The following NPTX1 variants were observed in gnomAD, a reference collection of about 807,000 sequenced individuals.
NPTX1 encodes neuronal pentraxin-1.
Under a neutral mutation model 38.7 loss-of-function variants are expected in NPTX1, and 12 were observed. The ratio of observed to expected loss-of-function variants is 0.31; its 90% CI spans 0.20 to 0.50. The LOEUF (loss-of-function observed/expected upper bound fraction) is 0.50. Among genes scored for constraint, NPTX1 ranks in the 20% least tolerant of loss-of-function variants. NPTX1 has a pLI of 0.98. For missense variants in NPTX1, 454 were observed against 592.2 expected, an observed-to-expected ratio of 0.77 and a Z score of 2.42; for synonymous variants, 272 against 264.9, an observed-to-expected ratio of 1.03 and a Z score of -0.26.
At position 80,468,554 on chromosome 17, in the gene NPTX1, A is replaced by G. The variant is rs1372843404; in HGVS notation, c.*2259T>C. Reference sequence around the variant, plus strand: ...AGATGGCTGGAGTGAGGGTGGGGCTAGATCTGGTCTAGAGAGGCGACTCCA... The same window carrying G: ...AGATGGCTGGAGTGAGGGTGGGGCTGGATCTGGTCTAGAGAGGCGACTCCA... On this transcript the variant is annotated 3_prime_UTR_variant, in exon 5 of 5. Coordinates refer to ENST00000306773, the MANE Select transcript of NPTX1 (RefSeq NM_002522.4). 6.6e-6 allele frequency: 1 copy of G among 152,274 alleles called. No homozygotes were observed. Among genetic ancestry groups the G allele is most frequent in the Admixed American group, 6.5e-5 (1 of 15,286 alleles). The allele number at this position is 152,274 out of a possible 1,614,324, so 9.4% of individuals were successfully genotyped here.
chr17:80,474,081 GAGGGC>G (rs1273075366), intron 2 of NPTX1: 1 of 153,748 alleles, frequency 6.5e-6, no homozygotes, highest in Non-Finnish European at 1.4e-5. Context: ...GCTCTGCTGA[GAGGGC>G]AGGGCAGCAA....
rs766191022 is a variant in NPTX1, at chr17:80,475,530, C to T, written c.633G>A (p.Arg211=). 5.6e-6 allele frequency: 9 copies of T among 1,612,202 alleles called. No homozygotes were observed. In the East Asian group the frequency reaches 1.8e-4, roughly 32 times the overall value. ...IETALTSLHQ[R]ISELEKGQKD... ...CAGTACCTTTCTCGAGCTCGCTGATCCGCTGGTGCAGGGAGGTCAGGGCGG... is the reference window on the plus strand; with the variant it reads ...CAGTACCTTTCTCGAGCTCGCTGATTCGCTGGTGCAGGGAGGTCAGGGCGG... Residue 211 remains arginine, a synonymous_variant, in exon 2 of 5, where the codon CGG becomes CGA. Coordinates refer to ENST00000306773, the MANE Select transcript of NPTX1 (RefSeq NM_002522.4). The surrounding 1 kb of genome is among the most constrained non-coding windows in gnomAD (Gnocchi z 6.5).
At position 80,475,359 on chromosome 17, in the gene NPTX1, G is replaced by T; in HGVS notation, c.652+152C>A. ...CTAGAAGCCCAGAACCTGGGAAGGGGTGCGGGGAATGAGAAAGCGGTGCAG... is the reference window on the plus strand; with the variant it reads ...CTAGAAGCCCAGAACCTGGGAAGGGTTGCGGGGAATGAGAAAGCGGTGCAG... On this transcript the variant is annotated intron_variant, in intron 2 of 4. Transcript: ENST00000306773. The surrounding 1 kb of genome is among the most constrained non-coding windows in gnomAD (Gnocchi z 6.5). 1.6e-6 allele frequency: 1 copy of T among 621,802 alleles called. No individual in the cohort carries two copies. The highest frequency in any genetic ancestry group is 2.1e-5 in the South Asian group (1 of 48,706). 38.5% of individuals were successfully genotyped at this position (621,802 alleles called of 1,614,324 possible).
chr17:80,473,389 G>T lies in NPTX1; in HGVS notation c.708C>A (p.Thr236=). The T allele has an allele frequency of 6.2e-7, 1 of 1,613,940 alleles. No homozygotes were observed. Among genetic ancestry groups the T allele is most frequent in the Non-Finnish European group, 8.5e-7 (1 of 1,179,866 alleles). ...DKFQLTFPLR[T]NYMYAKVKKS... The stretch of plus-strand genomic sequence containing the variant: ...TCTTCACCTTGGCATACATATAGTT[G>T]GTCCGCAGTGGGAATGTGAGCTGGA... The change falls in exon 3 of 5, where the codon ACC becomes ACA. Residue 236 remains threonine (T), a synonymous_variant. Transcript: ENST00000306773.
At chr17:80,472,370 G>A (rs2083847187) in intron 3 of NPTX1, among the ~76,000 whole-genome samples, 1 of 152,202 alleles carries the variant, frequency 6.6e-6, no homozygotes, top group Admixed American at 6.5e-5. Flanking sequence ...AACACGGCAA[G>A]CTTTTGCCGA....
Position 80,473,407 on chromosome 17 carries a change from G to A in NPTX1, c.690C>T (p.Leu230=). ...KDNRPGDKFQ[L]TFPLRTNYMY... ...TATAGTTGGTCCGCAGTGGGAATGT[G>A]AGCTGGAACTTGTCTCCAGGGCGGT... Residue 230 remains leucine, a synonymous_variant, in exon 3 of 5, where the codon CTC becomes CTT. Coordinates refer to ENST00000306773, the MANE Select transcript of NPTX1 (RefSeq NM_002522.4). 6.2e-7 allele frequency: 1 copy of A among 1,614,018 alleles called. No individual in the cohort carries two copies. Among genetic ancestry groups the A allele is most frequent in the Middle Eastern group, 1.7e-4 (1 of 6,042 alleles).
Position 80,468,166 on chromosome 17 carries a change from A to G in NPTX1, c.*2647T>C, listed in dbSNP as rs1471221259. On this transcript the variant is annotated 3_prime_UTR_variant, in exon 5 of 5. Transcript: ENST00000306773. Reference sequence around the variant, plus strand: ...GTCATCGACCTTTCTCGGGGCCAGCAAAGTGCCAAGTGTCAACACAGTGAG... The same window carrying G: ...GTCATCGACCTTTCTCGGGGCCAGCGAAGTGCCAAGTGTCAACACAGTGAG... 1 of 152,918 alleles carries G rather than the reference A, an allele frequency of 6.5e-6. No individual in the cohort carries two copies. The highest frequency in any genetic ancestry group is 1.9e-4 in the East Asian group (1 of 5,190). 9.5% of individuals were successfully genotyped at this position (152,918 alleles called of 1,614,324 possible).
intron 2 of NPTX1, chr17:80,474,159 C>T (rs1158095066): frequency 6.6e-6 from 1 of 152,410 alleles, no homozygotes; most frequent in African/African-American, 2.4e-5. Context: ...TGCCGCCACA[C>T]TCTCAGGTGA....
intron 3 of NPTX1, among the ~76,000 whole-genome samples, chr17:80,472,487 C>T (rs1179960068): frequency 2.0e-5 from 3 of 152,186 alleles, no homozygotes; most frequent in Non-Finnish European, 4.4e-5. Context: ...GATGACGGTC[C>T]AGCAGACAGT....
rs899589549 is a variant in NPTX1 at position 80,470,548 on chromosome 17, C to T, written c.*265G>A. 3.3e-5 allele frequency: 12 copies of T among 363,404 alleles called. No homozygotes were observed. The highest frequency in any genetic ancestry group is 5.1e-5 in the Non-Finnish European group (10 of 196,532). The allele number at this position is 363,404 out of a possible 1,614,324, so 22.5% of individuals were successfully genotyped here. On this transcript the variant is annotated 3_prime_UTR_variant, in exon 5 of 5. Transcript: ENST00000306773. ...TCACCAACTTCTGCCTTGTTCAAGA[C>T]GTTGCAGCACCCACTTCAGCTGTGA...
chr17:80,476,264 G>T lies in NPTX1; in HGVS notation c.183C>A (p.Leu61=). Residue 61 remains leucine (L), a synonymous_variant, in exon 1 of 5, where the codon CTC becomes CTA. Coordinates refer to ENST00000306773, the MANE Select transcript of NPTX1 (RefSeq NM_002522.4). The surrounding 1 kb of genome is among the most constrained non-coding windows in gnomAD (Gnocchi z 6.3). ...AEELRSSVLQ[L]RETVLQQKET... is the part of the protein sequence containing the mutation. Reference sequence around the variant, plus strand: ...CCTTCTGCTGCAGCACCGTCTCGCGGAGCTGCAGCACGCTGCTCCGGAGCT... The same window carrying T: ...CCTTCTGCTGCAGCACCGTCTCGCGTAGCTGCAGCACGCTGCTCCGGAGCT... 1 of 1,555,972 alleles carries T rather than the reference G, an allele frequency of 6.4e-7. No homozygotes were observed. The highest frequency in any genetic ancestry group is 8.6e-7 in the Non-Finnish European group (1 of 1,160,120).
At position 80,469,888 on chromosome 17, in the gene NPTX1, TC is replaced by T. The variant is rs766407615; in HGVS notation, c.*924del. 3.9e-5 allele frequency: 6 copies of T among 152,306 alleles called. No homozygotes were observed. Among genetic ancestry groups the T allele is most frequent in the Non-Finnish European group, 8.8e-5 (6 of 68,124 alleles). 9.4% of individuals were successfully genotyped at this position (152,306 alleles called of 1,614,324 possible). ...CCGGGCTGTGGGTGGCACGCTCCTC[TC>T]TCAGGGCCCTCTGGGCTGAAGCAGT... On this transcript the variant is annotated 3_prime_UTR_variant, in exon 5 of 5. Coordinates refer to ENST00000306773, the MANE Select transcript of NPTX1 (RefSeq NM_002522.4).
chr17:80,467,666 G>A lies in NPTX1; in HGVS notation c.*3147C>T, dbSNP rs1350511258. ...CTTTGCAGTCTTAGAAAATAAACTG[G>A]GAATCTACAAAAGGAAAAGAAAGCA... On this transcript the variant is annotated 3_prime_UTR_variant, in exon 5 of 5. Coordinates refer to ENST00000306773, the MANE Select transcript of NPTX1 (RefSeq NM_002522.4). The A allele has an allele frequency of 6.6e-6, 1 of 151,798 alleles. No individual in the cohort carries two copies. Among genetic ancestry groups the A allele is most frequent in the Non-Finnish European group, 1.5e-5 (1 of 68,018 alleles). 9.4% of individuals were successfully genotyped at this position (151,798 alleles called of 1,614,324 possible). A position where few individuals can be genotyped will look rare whatever the true frequency, so the allele number is the denominator to read the frequency against.
At position 80,476,022 on chromosome 17, in the gene NPTX1, G is replaced by T; in HGVS notation, c.425C>A (p.Thr142Asn). 1 of 1,608,964 alleles carries T rather than the reference G, an allele frequency of 6.2e-7. No individual in the cohort carries two copies. ...GCGGACCTCGAGGTTCTCCAGGCGG[G>T]TTTTGAGCGATTGCAAAGTTTGCCC... ...QLGQTLQSLK[T>N]RLENLEQYSR... Residue 142 changes from threonine to asparagine, a missense_variant, in exon 1 of 5, where the codon ACC becomes AAC. Coordinates refer to ENST00000306773, the MANE Select transcript of NPTX1 (RefSeq NM_002522.4). This position sits in a 1 kb window ranked among gnomAD's most constrained non-coding sequence, Gnocchi z 6.3.
chr17:80,473,591 G>A (rs957785603), intron 2 of NPTX1, 147 bp from the exon 3 acceptor site: 3 of 770,904 alleles, frequency 3.9e-6, no homozygotes, highest in Non-Finnish European at 6.4e-6. Flanking sequence ...TAGCTTCCCA[G>A]GTCAAGTACT....
At chr17:80,471,127 C>T in intron 4 of NPTX1, 93 bp from the exon 5 acceptor site, 1 of 981,674 alleles carries the variant, frequency 1.0e-6, no homozygotes, top group Non-Finnish European at 1.5e-6. Context: ...TCTGTGCCTG[C>T]CCGATCACGG....
chr17:80,473,147 C>T, intron 3 of NPTX1, 53 bp downstream of exon 3: 2 of 1,585,088 alleles, frequency 1.3e-6, no homozygotes, highest in East Asian at 4.5e-5. Flanking sequence ...GCAACATGAG[C>T]TGGGGCCCTG....
rs1316970562 is a variant in NPTX1 at position 80,475,968 on chromosome 17, C to T, written c.444+35G>A. On this transcript the variant is annotated intron_variant, in intron 1 of 4. Transcript: ENST00000306773. This position sits in a 1 kb window ranked among gnomAD's most constrained non-coding sequence, Gnocchi z 6.5. Reference sequence around the variant, plus strand: ...GGGGAGGGCAGAGGGGCGAGCGAGCCGGAGGGGGAACCGGAGCCGAGGGCG... The same window carrying T: ...GGGGAGGGCAGAGGGGCGAGCGAGCTGGAGGGGGAACCGGAGCCGAGGGCG... The T allele has an allele frequency of 6.5e-7, 1 of 1,539,732 alleles. No individual in the cohort carries two copies. Among genetic ancestry groups the T allele is most frequent in the Non-Finnish European group, 8.9e-7 (1 of 1,123,186 alleles).
chr17:80,475,932 G>GGAAC lies in NPTX1; in HGVS notation c.444+67_444+70dup, dbSNP rs1332196740. ...GGGCGGGGGATGCCTGGCCGGGTAG[G>GGAAC]GAACGGGGTGGGGGAGGGCAGAGGG... On this transcript the variant is annotated intron_variant, in intron 1 of 4. Coordinates refer to ENST00000306773, the MANE Select transcript of NPTX1 (RefSeq NM_002522.4). This position sits in a 1 kb window ranked among gnomAD's most constrained non-coding sequence, Gnocchi z 6.5. 2 of 1,316,010 alleles carry GGAAC rather than the reference G, an allele frequency of 1.5e-6. No individual in the cohort carries two copies. The highest frequency in any genetic ancestry group is 5.4e-5 in the East Asian group (2 of 36,936). 81.5% of individuals were successfully genotyped at this position (1,316,010 alleles called of 1,614,324 possible).
Sources: allele counts gnomAD v4.1 joint callset (sites outside exome capture counted in the v4.1 genomes callset), GRCh38; gene constraint gnomAD v4.1.1; non-coding constraint Gnocchi (gnomAD v3.1); transcripts MANE v1.5; gene names NCBI Gene and HGNC (gene_info 2026-07-23, HGNC 2026-07-21).